Variants in GSDME observed in about 807,000 individuals in gnomAD.
The protein encoded by GSDME is gasdermin-E.
In GSDME, 44 loss-of-function variants were observed where a neutral mutation model predicts 47.5. That is an observed-to-expected ratio of 0.93 (90% CI 0.73 to 1.19). The LOEUF (loss-of-function observed/expected upper bound fraction) is 1.19. GSDME is among the 50% of genes most tolerant of loss of function. The probability of loss-of-function intolerance (pLI) is 0.00; values close to 1 mark genes in which losing one functional copy is unlikely to be tolerated. For synonymous variants in GSDME, 258 were observed against 252.8 expected (o/e 1.02, Z -0.20); for missense variants, 663 against 604.2 (o/e 1.10, Z -1.02).
In GSDME at chr7:24,744,712, G is replaced by T; in HGVS notation, c.254C>A (p.Ala85Glu). ...SDFVKYEGKFANHVSGTLETA... is the reference protein window; with the variant it reads ...SDFVKYEGKFENHVSGTLETA... Reference sequence around the variant, plus strand: ...CTCCAGGGTTCCACTCACGTGGTTTGCAAACTTGCCCTCGTATTTCACAAA... The same window carrying T: ...CTCCAGGGTTCCACTCACGTGGTTTTCAAACTTGCCCTCGTATTTCACAAA... The change falls in exon 3 of 10, where the codon GCA becomes GAA. Residue 85 changes from alanine (A) to glutamate (E), a missense_variant. By Grantham distance (107) the Ala-to-Glu change is moderately radical (BLOSUM62 -1). Coordinates refer to ENST00000645220, the MANE Select transcript of GSDME (RefSeq NM_001127453.2). This position sits in a 1 kb window ranked among gnomAD's most constrained non-coding sequence, Gnocchi z 4.5. 1 of 1,614,114 alleles carries T rather than the reference G, an allele frequency of 6.2e-7. No individual in the cohort carries two copies. The highest frequency in any genetic ancestry group is 8.5e-7 in the Non-Finnish European group (1 of 1,180,026).
Position 24,702,748 on chromosome 7 carries a change from G to A in GSDME, c.1257+12C>T. 2 of 1,611,852 alleles carry A rather than the reference G, an allele frequency of 1.2e-6. No individual in the cohort carries two copies. The highest frequency in any genetic ancestry group is 1.7e-6 in the Non-Finnish European group (2 of 1,178,346). Reference sequence around the variant, plus strand: ...CTATCCATTCTAAGGTCCCACCTGGGAGGTTGCTTACCAAGTGGCACAGTG... The same window carrying A: ...CTATCCATTCTAAGGTCCCACCTGGAAGGTTGCTTACCAAGTGGCACAGTG... On this transcript the variant is annotated intron_variant, in intron 9 of 9. Coordinates refer to ENST00000645220, the MANE Select transcript of GSDME (RefSeq NM_001127453.2).
chr7:24,741,706 G>T (rs547116483), intron 3 of GSDME, among the ~76,000 whole-genome samples: 1 of 152,100 alleles, frequency 6.6e-6, no homozygotes, highest in African/African-American at 2.4e-5. Flanking sequence ...TAAGCATCAC[G>T]AACTGCCACT....
chr7:24,703,248 T>G (rs547559224), intron 8 of GSDME: 1 of 334,690 alleles, frequency 3.0e-6, no homozygotes, highest in East Asian at 7.7e-5. Context: ...TTACCATAGT[T>G]GTTTTGTTTT....
intron 9 of GSDME, among the ~76,000 whole-genome samples, chr7:24,701,491 C>A (rs1249934085): frequency 3.3e-5 from 5 of 152,162 alleles, no homozygotes; most frequent in Non-Finnish European, 7.3e-5. Flanking sequence ...AGTTAGATAA[C>A]ATGGGCTTGG....
chr7:24,704,699 C>T (rs1029558158), intron 8 of GSDME: 3 of 151,966 alleles, frequency 2.0e-5, no homozygotes, highest in Admixed American at 1.3e-4. Context: ...GCGTGGCCTG[C>T]TGCCTGCGTG....
chr7:24,789,319 C>A, the GSDME span, among the ~76,000 whole-genome samples: 1 of 152,118 alleles, frequency 6.6e-6, no homozygotes, highest in Non-Finnish European at 1.5e-5. Context: ...AGACAAAACC[C>A]CCCAGACACA....
chr7:24,775,874 C>CAAA, the GSDME span, among the ~76,000 whole-genome samples: 5,346 of 31,178 alleles, frequency 0.17, 1,036 homozygotes, highest in East Asian at 0.39. Context: ...GATTCCATCT[C>CAAA]AAAAAAAAAA....
rs759839147 is a variant in GSDME, at chr7:24,706,321, T to C, written c.1046A>G (p.Lys349Arg). ...CACAAGGTCCTGCTGCTGCCGGGGC[T>C]TCAGCTCCCCCAGCACCGCCACTGT... ...SPTVAVLGEL[K>R]PRQQQDLVAF... Residue 349 changes from lysine (K) to arginine (R), a missense_variant, in exon 8 of 10, where the codon AAG becomes AGG. Lys to Arg is a conservative substitution (Grantham distance 26). Transcript: ENST00000645220. 7 of 1,613,546 alleles carry C rather than the reference T, an allele frequency of 4.3e-6. No individual in the cohort carries two copies. The South Asian group carries it at 7.7e-5, about 18-fold the overall frequency.
At chr7:24,737,693 C>CA (rs34810482) in intron 3 of GSDME, among the ~76,000 whole-genome samples, 162 of 146,662 alleles carry the variant, frequency 1.1e-3, no homozygotes, top group South Asian at 1.7e-3. Flanking sequence ...AAAGACACAT[C>CA]AAAAAAAAAA....
chr7:24,740,199 G>T (rs2128061365), intron 3 of GSDME, among the ~76,000 whole-genome samples: 1 of 152,114 alleles, frequency 6.6e-6, no homozygotes, highest in Middle Eastern at 3.4e-3. Context: ...AACTTCACAT[G>T]TTCTTATTTA....
At chr7:24,786,779 T>C in the GSDME span, among the ~76,000 whole-genome samples, 6 of 152,338 alleles carry the variant, frequency 3.9e-5, no homozygotes, top group East Asian at 9.6e-4. This position sits in a 1 kb window ranked among gnomAD's most constrained non-coding sequence, Gnocchi z 5.5. Flanking sequence ...TATTACTGAA[T>C]TGCATACTTA....
chr7:24,765,416 G>T, the GSDME span, among the ~76,000 whole-genome samples: 1 of 152,196 alleles, frequency 6.6e-6, no homozygotes, highest in Non-Finnish European at 1.5e-5. Context: ...AGTATTTCAA[G>T]TTCAGCCTAA....
chr7:24,766,183 TTG>T, the GSDME span, among the ~76,000 whole-genome samples: 1,251 of 144,464 alleles, frequency 8.7e-3, 15 homozygotes, highest in Admixed American at 0.012. This position sits in a 1 kb window ranked among gnomAD's most constrained non-coding sequence, Gnocchi z 4.2. Context: ...ATTACATTAT[TTG>T]TGTGTGTGTG....
intron 6 of GSDME, among the ~76,000 whole-genome samples, chr7:24,709,531 G>A (rs1424852447): frequency 6.6e-6 from 1 of 152,184 alleles, no homozygotes; most frequent in Admixed American, 6.5e-5. Context: ...GGGCTTCTGT[G>A]CTTACCCTCC....
In GSDME at chr7:24,705,278, TCA is replaced by T. The variant is rs1022665011; in HGVS notation, c.1183+904_1183+905del. On this transcript the variant is annotated intron_variant, in intron 8 of 9. Coordinates refer to ENST00000645220, the MANE Select transcript of GSDME (RefSeq NM_001127453.2). This position sits in a 1 kb window ranked among gnomAD's most constrained non-coding sequence, Gnocchi z 4.1. ...GCAGGGCTCTGTCTTATGTCCTGTT[TCA>T]GTTTACCAGTCAAAACTATATTTAT... 2 of 152,000 alleles carry T rather than the reference TCA, an allele frequency of 1.3e-5. No individual in the cohort carries two copies. Among genetic ancestry groups the T allele is most frequent in the Non-Finnish European group, 2.9e-5 (2 of 68,044 alleles). 9.4% of individuals were successfully genotyped at this position (152,000 alleles called of 1,614,324 possible).
At chr7:24,727,484 A>G (rs1790005550) in intron 3 of GSDME, among the ~76,000 whole-genome samples, 1 of 152,252 alleles carries the variant, frequency 6.6e-6, no homozygotes, top group African/African-American at 2.4e-5. Flanking sequence ...ACTAACCCAC[A>G]GAAACAGAGA....
At chr7:24,703,960 T>C (rs898269708) in intron 8 of GSDME, 1 of 152,236 alleles carries the variant, frequency 6.6e-6, no homozygotes, top group African/African-American at 2.4e-5. Context: ...CCAGGGTGGC[T>C]CCTGGGACCC....
At chr7:24,740,024 C>T (rs542416167) in intron 3 of GSDME, among the ~76,000 whole-genome samples, 2 of 150,976 alleles carry the variant, frequency 1.3e-5, no homozygotes, top group Non-Finnish European at 2.9e-5. Context: ...CCCTGGGAGG[C>T]GGAGGTTGCA....
At chr7:24,741,566 A>G (rs1790493082) in intron 3 of GSDME, among the ~76,000 whole-genome samples, 1 of 152,188 alleles carries the variant, frequency 6.6e-6, no homozygotes, top group Non-Finnish European at 1.5e-5. Flanking sequence ...ATATGTGCAC[A>G]CATTTCATAG....
Sources: allele counts gnomAD v4.1 joint callset (sites outside exome capture counted in the v4.1 genomes callset), GRCh38; gene constraint gnomAD v4.1.1; non-coding constraint Gnocchi (gnomAD v3.1); transcripts MANE v1.5; gene names NCBI Gene and HGNC (gene_info 2026-07-23, HGNC 2026-07-21).